The following RANBP2 variants were observed in gnomAD, a reference collection of about 807,000 sequenced individuals.
RANBP2 encodes the protein RAN binding protein 2, also known as E3 SUMO-protein ligase RanBP2.
A neutral mutation model predicts 303.6 loss-of-function variants in RANBP2; 57 were observed. The observed-to-expected ratio is 0.19, with a 90% CI of 0.15 to 0.23. The LOEUF is 0.23. RANBP2 is among the 10% of genes least tolerant of loss of function. The probability of loss-of-function intolerance (pLI) is 1.00; values close to 1 mark genes in which losing one functional copy is unlikely to be tolerated. For missense variants in RANBP2, 3,138 were observed against 3,780.8 expected (o/e 0.83, Z 4.46); for synonymous variants, 1,167 against 1,301.5 (o/e 0.90, Z 2.23).
At chr2:109,242,523 G>C in the RANBP2 span, among the ~76,000 whole-genome samples, 87 of 152,326 alleles carry the variant, frequency 5.7e-4, no homozygotes, top group South Asian at 0.012. Context: ...AAGCGGGAGT[G>C]AATGGCAACA....
At chr2:109,465,515 G>T in the RANBP2 span, among the ~76,000 whole-genome samples, 1 of 152,132 alleles carries the variant, frequency 6.6e-6, no homozygotes, top group South Asian at 2.1e-4. Flanking sequence ...TTTGGATTTT[G>T]CCATCCTAAT....
the RANBP2 span, chr2:109,419,751 T>C: frequency 1.9e-6 from 2 of 1,033,894 alleles, no homozygotes; most frequent in South Asian, 3.1e-5. Flanking sequence ...GTGTTACTAG[T>C]TGGCCAGTAT....
At chr2:109,104,097 T>C in the RANBP2 span, among the ~76,000 whole-genome samples, 2 of 152,296 alleles carry the variant, frequency 1.3e-5, no homozygotes, top group South Asian at 4.1e-4. Flanking sequence ...TCGGCGAAGA[T>C]TCTTTACAGA....
At chr2:109,676,853 C>T in the RANBP2 span, among the ~76,000 whole-genome samples, 1 of 152,152 alleles carries the variant, frequency 6.6e-6, no homozygotes, top group Non-Finnish European at 1.5e-5. Context: ...TTCTCTTTGG[C>T]GTCTGTCTAT....
the RANBP2 span, among the ~76,000 whole-genome samples, chr2:108,872,782 C>T: frequency 6.6e-6 from 1 of 152,140 alleles, no homozygotes; most frequent in Non-Finnish European, 1.5e-5. Flanking sequence ...AACATGAGTT[C>T]TACAGAGGAC....
chr2:109,203,336 C>T, the RANBP2 span, among the ~76,000 whole-genome samples: 34 of 152,220 alleles, frequency 2.2e-4, no homozygotes, highest in Admixed American at 1.0e-3. Context: ...GCAGATGCGG[C>T]GGAGCTTGCT....
the RANBP2 span, among the ~76,000 whole-genome samples, chr2:109,261,417 C>T: frequency 6.6e-6 from 1 of 152,324 alleles, no homozygotes; most frequent in Middle Eastern, 3.4e-3. Context: ...GTAAAATGTG[C>T]AGTCTGTGGA....
chr2:108,815,284 A>G, the RANBP2 span, among the ~76,000 whole-genome samples: 622 of 152,066 alleles, frequency 4.1e-3, 7 homozygotes, highest in African/African-American at 0.014. Flanking sequence ...TCATGCTCTT[A>G]AGTTAAGGCT....
chr2:109,682,338 T>G, the RANBP2 span, among the ~76,000 whole-genome samples: 12 of 152,190 alleles, frequency 7.9e-5, no homozygotes, highest in Non-Finnish European at 1.5e-4. Context: ...GATGTACTTA[T>G]AATAAATTTC....
At chr2:109,311,897 A>G in the RANBP2 span, among the ~76,000 whole-genome samples, 1 of 151,878 alleles carries the variant, frequency 6.6e-6, no homozygotes, top group Non-Finnish European at 1.5e-5. Flanking sequence ...TTACATCCAC[A>G]TTTTCTTCCA....
At chr2:108,794,784 C>A in the RANBP2 span, 1 of 1,230,780 alleles carries the variant, frequency 8.1e-7, no homozygotes, top group Non-Finnish European at 1.1e-6. Context: ...CAAGCATTTA[C>A]GAAATTTGAA....
At chr2:109,102,361 A>C in the RANBP2 span, among the ~76,000 whole-genome samples, 5 of 151,888 alleles carry the variant, frequency 3.3e-5, no homozygotes, top group Non-Finnish European at 5.9e-5. Context: ...CGGCCTCCCA[A>C]AGTGCTGGGA....
At chr2:109,457,719 T>C in the RANBP2 span, among the ~76,000 whole-genome samples, 5 of 152,244 alleles carry the variant, frequency 3.3e-5, no homozygotes, top group African/African-American at 4.8e-5. Context: ...TCAACTGATA[T>C]ATTCTCACAG....
At chr2:109,228,232 G>A in the RANBP2 span, among the ~76,000 whole-genome samples, 6 of 152,192 alleles carry the variant, frequency 3.9e-5, no homozygotes, top group Non-Finnish European at 8.8e-5. Flanking sequence ...CCCCAGGAAT[G>A]TGCTTGGTGG....
the RANBP2 span, among the ~76,000 whole-genome samples, chr2:108,842,778 T>A: frequency 2.0e-5 from 3 of 152,294 alleles, no homozygotes; most frequent in East Asian, 3.9e-4. Flanking sequence ...GCTTCTAGGG[T>A]GAAAAAGTCC....
chr2:108,887,238 A>G, the RANBP2 span, among the ~76,000 whole-genome samples: 1 of 152,124 alleles, frequency 6.6e-6, no homozygotes, highest in African/African-American at 2.4e-5. Context: ...CCATTGGTCT[A>G]CGTGTCCGTT....
At chr2:109,473,461 G>A in the RANBP2 span, among the ~76,000 whole-genome samples, 3 of 152,212 alleles carry the variant, frequency 2.0e-5, no homozygotes, top group African/African-American at 7.2e-5. Flanking sequence ...TGGGGAGGCT[G>A]TGGGGGATGT....
At chr2:109,510,868 C>T in the RANBP2 span, among the ~76,000 whole-genome samples, 100 of 152,264 alleles carry the variant, frequency 6.6e-4, no homozygotes, top group Non-Finnish European at 1.3e-3. Flanking sequence ...GACGGGTGGC[C>T]GGAGCTATGG....
chr2:109,293,317 T>C, the RANBP2 span, among the ~76,000 whole-genome samples: 3 of 152,208 alleles, frequency 2.0e-5, no homozygotes, highest in African/African-American at 7.2e-5. Flanking sequence ...GGATGACAAC[T>C]TGTAGGACAC....
Sources: gnomAD v4.1 joint callset for allele counts (sites outside exome capture counted in the v4.1 genomes callset) on GRCh38, gnomAD v4.1.1 for gene constraint, MANE v1.5 for transcripts, NCBI Gene and HGNC (gene_info 2026-07-23, HGNC 2026-07-21) for gene names.